TRPC6: variants seen among roughly 807,000 people sequenced by gnomAD.
The protein encoded by TRPC6 is short transient receptor potential channel 6.
In TRPC6, 55 loss-of-function variants were observed where a neutral mutation model predicts 90.7. That is an observed-to-expected ratio of 0.61 (90% CI 0.49 to 0.76). The LOEUF (loss-of-function observed/expected upper bound fraction) is 0.76. Among genes scored for constraint, TRPC6 ranks in the 30% least tolerant of loss-of-function variants. The pLI, the probability that TRPC6 is intolerant of heterozygous loss-of-function variation, is 0.00. For missense variants in TRPC6, 989 were observed against 1,122.7 expected (o/e 0.88, Z 1.70); for synonymous variants, 393 against 393.0 (o/e 1.00, Z 0.00).
At chr11:101,458,685 G>GAGTT (rs938388380) in intron 10 of TRPC6, among the ~76,000 whole-genome samples, 7 of 151,392 alleles carry the variant, frequency 4.6e-5, no homozygotes. Context: ...GTGACCTTTA[G>GAGTT]AGTTAAAGGA....
intron 1 of TRPC6, among the ~76,000 whole-genome samples, chr11:101,549,863 ATATT>A (rs1400491088): frequency 6.6e-6 from 1 of 151,564 alleles, no homozygotes; most frequent in Non-Finnish European, 1.5e-5. Flanking sequence ...ACTTAGAAAA[ATATT>A]TAGTCAATGA....
chr11:101,503,714 T>C (rs148929433), intron 2 of TRPC6, among the ~76,000 whole-genome samples: 126 of 152,286 alleles, frequency 8.3e-4, no homozygotes, highest in African/African-American at 2.9e-3. Flanking sequence ...TTTGTTGATA[T>C]TGGGCATTAG....
At chr11:101,525,818 G>A (rs1442168306) in intron 1 of TRPC6, among the ~76,000 whole-genome samples, 2 of 152,200 alleles carry the variant, frequency 1.3e-5, no homozygotes, top group Non-Finnish European at 2.9e-5. Flanking sequence ...ATTTGAAGTT[G>A]AGAGGATCAG....
At chr11:101,507,231 C>A (rs1860295612) in intron 1 of TRPC6, among the ~76,000 whole-genome samples, 1 of 152,008 alleles carries the variant, frequency 6.6e-6, no homozygotes, top group South Asian at 2.1e-4. Context: ...AAATTCTCTT[C>A]ATTTTCTCAG....
rs187847425 is a variant in TRPC6, at chr11:101,545,494, A to T, written c.170+37840T>A. 2.0e-3 allele frequency among the ~76,000 whole-genome samples: 311 copies of T among 152,278 alleles called. 1 individual carries two copies. Among genetic ancestry groups the T allele is most frequent in the African/African-American group, 7.0e-3 (292 of 41,570 alleles). On this transcript the variant is annotated intron_variant, in intron 1 of 12. Transcript: ENST00000344327. ...ATCCATTACATTGCCCCAACAATTGATATAAACAAAACTTCTATTTTACAA... is the reference window on the plus strand; with the variant it reads ...ATCCATTACATTGCCCCAACAATTGTTATAAACAAAACTTCTATTTTACAA...
chr11:101,525,409 T>A (rs941870992), intron 1 of TRPC6, among the ~76,000 whole-genome samples: 2 of 152,208 alleles, frequency 1.3e-5, no homozygotes, highest in Non-Finnish European at 2.9e-5. Context: ...CAAAGATGCT[T>A]AGTCTTAGAA....
At chr11:101,565,270 T>C (rs1861804262) in intron 1 of TRPC6, among the ~76,000 whole-genome samples, 1 of 152,052 alleles carries the variant, frequency 6.6e-6, no homozygotes, top group South Asian at 2.1e-4. Context: ...AAAAGAAGTG[T>C]TCAAAACTAC....
At chr11:101,495,003 C>T (rs1859910683) in intron 2 of TRPC6, among the ~76,000 whole-genome samples, 1 of 152,146 alleles carries the variant, frequency 6.6e-6, no homozygotes, top group African/African-American at 2.4e-5. Flanking sequence ...GGTGGTAGCT[C>T]ATTAGCCAGA....
intron 2 of TRPC6, among the ~76,000 whole-genome samples, chr11:101,492,669 T>C (rs1859856989): frequency 6.6e-6 from 1 of 152,178 alleles, no homozygotes; most frequent in African/African-American, 2.4e-5. Flanking sequence ...CATAGGACTT[T>C]GCATATATCA....
chr11:101,562,362 G>A (rs1591139585), intron 1 of TRPC6, among the ~76,000 whole-genome samples: 1 of 152,138 alleles, frequency 6.6e-6, no homozygotes, highest in Non-Finnish European at 1.5e-5. Flanking sequence ...TTTAGTACCT[G>A]TGAATTTGGA....
At chr11:101,549,651 A>G (rs995215424) in intron 1 of TRPC6, among the ~76,000 whole-genome samples, 3 of 151,464 alleles carry the variant, frequency 2.0e-5, no homozygotes, top group African/African-American at 7.2e-5. Context: ...TGACAGAGAA[A>G]AAAGGGATAA....
intron 1 of TRPC6, among the ~76,000 whole-genome samples, chr11:101,577,698 T>C (rs1862100976): frequency 6.6e-6 from 1 of 152,028 alleles, no homozygotes; most frequent in African/African-American, 2.4e-5. Flanking sequence ...CAAGGGTCAA[T>C]CCCCAGGAGA....
intron 10 of TRPC6, among the ~76,000 whole-genome samples, chr11:101,460,938 A>G (rs1482702858): frequency 6.6e-6 from 1 of 152,248 alleles, no homozygotes; most frequent in Non-Finnish European, 1.5e-5. Flanking sequence ...ATAATGGGCC[A>G]TATTGTCAAT....
intron 1 of TRPC6, among the ~76,000 whole-genome samples, chr11:101,510,972 C>T (rs537198851): frequency 3.9e-5 from 6 of 152,290 alleles, no homozygotes; most frequent in African/African-American, 1.2e-4. Context: ...AATTCTATTA[C>T]AGCAGAAGTT....
At chr11:101,516,544 A>G (rs1240826372) in intron 1 of TRPC6, among the ~76,000 whole-genome samples, 1 of 152,180 alleles carries the variant, frequency 6.6e-6, no homozygotes, top group Non-Finnish European at 1.5e-5. Context: ...TGCATGCCCT[A>G]AACAATACAA....
In TRPC6 at chr11:101,544,099, C is replaced by T. The variant is rs1463900455; in HGVS notation, c.170+39235G>A. ...TGAACAGACACTTCTCAAAAGAAGACATTTATGCAGCCAACAAACAAATGA... is the reference window on the plus strand; with the variant it reads ...TGAACAGACACTTCTCAAAAGAAGATATTTATGCAGCCAACAAACAAATGA... On this transcript the variant is annotated intron_variant, in intron 1 of 12. Coordinates refer to ENST00000344327, the MANE Select transcript of TRPC6 (RefSeq NM_004621.6). Among the ~76,000 whole-genome samples, 4 of 152,124 alleles carry T rather than the reference C, an allele frequency of 2.6e-5. No homozygotes were observed. The South Asian group carries it at 6.2e-4, about 24-fold the overall frequency.
At position 101,500,446 on chromosome 11, in the gene TRPC6, G is replaced by C. The variant is rs553226903; in HGVS notation, c.945+3578C>G. ...ACTGGTCTCAAACTCCTGACCTCAT[G>C]ATCCACCCACCTCGGCCTCCCAAAG... On this transcript the variant is annotated intron_variant, in intron 2 of 12. Coordinates refer to ENST00000344327, the MANE Select transcript of TRPC6 (RefSeq NM_004621.6). Among the ~76,000 whole-genome samples, 3 of 152,090 alleles carry C rather than the reference G, an allele frequency of 2.0e-5. No individual in the cohort carries two copies. In the South Asian group the frequency reaches 6.2e-4, roughly 32 times the overall value.
intron 1 of TRPC6, among the ~76,000 whole-genome samples, chr11:101,581,395 T>C (rs1462637526): frequency 1.3e-5 from 2 of 152,238 alleles, no homozygotes; most frequent in Non-Finnish European, 2.9e-5. Flanking sequence ...CTTGGAATTA[T>C]TACTTTATTT....
chr11:101,555,319 C>T (rs1457260169), intron 1 of TRPC6, among the ~76,000 whole-genome samples: 1 of 152,168 alleles, frequency 6.6e-6, no homozygotes, highest in East Asian at 1.9e-4. Flanking sequence ...TTCAACTTTG[C>T]CACATGGCAT....
Sources: gnomAD v4.1 joint callset for allele counts (sites outside exome capture counted in the v4.1 genomes callset) on GRCh38, gnomAD v4.1.1 for gene constraint, MANE v1.5 for transcripts, NCBI Gene and HGNC (gene_info 2026-07-23, HGNC 2026-07-21) for gene names.